SOX5: variants seen among roughly 807,000 people sequenced by gnomAD.
The protein encoded by SOX5 is transcription factor SOX-5.
A neutral mutation model predicts 92.0 loss-of-function variants in SOX5; 9 were observed. The ratio of observed to expected loss-of-function variants is 0.10; its 90% confidence interval spans 0.06 to 0.17. The LOEUF (loss-of-function observed/expected upper bound fraction) is 0.17, where lower values mean the gene tolerates loss of function less well. Ranked by LOEUF, SOX5 falls within the 10% of genes least tolerant of loss-of-function variation. SOX5 has a pLI of 1.00. For synonymous variants in SOX5, 344 were observed against 336.3 expected (o/e 1.02, Z -0.25); for missense variants, 642 against 944.5 (o/e 0.68, Z 4.20).
At chr12:23,754,993 C>T (rs1190130660) in intron 4 of SOX5, among the ~76,000 whole-genome samples, 1 of 151,628 alleles carries the variant, frequency 6.6e-6, no homozygotes, top group Non-Finnish European at 1.5e-5. Flanking sequence ...TCATAGATTG[C>T]CTACTGTGTT....
intron 3 of SOX5, among the ~76,000 whole-genome samples, chr12:23,785,973 G>C (rs984230062): frequency 1.3e-5 from 2 of 151,942 alleles, no homozygotes; most frequent in Admixed American, 6.6e-5. Flanking sequence ...TTACAAACAG[G>C]AAAGTAGAAC....
At chr12:24,200,302 C>A (rs775428253) in intron 4 of SOX5, among the ~76,000 whole-genome samples, 1 of 152,082 alleles carries the variant, frequency 6.6e-6, no homozygotes, top group Non-Finnish European at 1.5e-5. Flanking sequence ...ATAAGGTTAG[C>A]CAGCTCTTAG....
chr12:24,390,836 A>G (rs570293217), intron 1 of SOX5, among the ~76,000 whole-genome samples: 2 of 152,236 alleles, frequency 1.3e-5, no homozygotes, highest in African/African-American at 2.4e-5. Context: ...CCATTAATGG[A>G]CACTTAGGCT....
At chr12:23,546,030 G>A (rs542310479) in intron 12 of SOX5, among the ~76,000 whole-genome samples, 1 of 152,220 alleles carries the variant, frequency 6.6e-6, no homozygotes, top group South Asian at 2.1e-4. Context: ...TCTTGCCTCT[G>A]ACACTTAGAG....
At position 23,750,998 on chromosome 12, in the gene SOX5, T is replaced by C. The variant is rs186598916; in HGVS notation, c.568+4640A>G. ...TTGTCAAACTTATTTTGAAAACTTA[T>C]ATTCTACGCGCCAGCAGTCTTTCTT... On this transcript the variant is annotated intron_variant, in intron 4 of 14. Coordinates refer to ENST00000451604, the MANE Select transcript of SOX5 (RefSeq NM_006940.6). 4.3e-4 allele frequency among the ~76,000 whole-genome samples: 65 copies of C among 152,016 alleles called. No individual in the cohort carries two copies. The Middle Eastern group carries it at 0.01, about 24-fold the overall frequency.
At chr12:24,194,609 G>A (rs1956840896) in intron 4 of SOX5, among the ~76,000 whole-genome samples, 1 of 151,996 alleles carries the variant, frequency 6.6e-6, no homozygotes, top group South Asian at 2.1e-4. Flanking sequence ...AACATTAGAA[G>A]TCATAAAATG....
chr12:23,849,586 A>T (rs1411820138), intron 2 of SOX5, among the ~76,000 whole-genome samples: 1 of 152,160 alleles, frequency 6.6e-6, no homozygotes, highest in East Asian at 1.9e-4. Flanking sequence ...CTATGTCTGT[A>T]TCTACCAATG....
intron 2 of SOX5, among the ~76,000 whole-genome samples, chr12:24,351,532 C>G (rs1954082524): frequency 6.6e-6 from 1 of 152,154 alleles, no homozygotes; most frequent in Admixed American, 6.5e-5. Flanking sequence ...TTGGAGTGGC[C>G]TTTAGGTACC....
At chr12:24,178,491 G>T (rs965642357) in intron 4 of SOX5, among the ~76,000 whole-genome samples, 1 of 152,074 alleles carries the variant, frequency 6.6e-6, no homozygotes, top group African/African-American at 2.4e-5. Context: ...CAGAACTGGG[G>T]AAGCTCTGTG....
At chr12:23,787,528 C>G (rs1350586991) in intron 3 of SOX5, among the ~76,000 whole-genome samples, 1 of 151,916 alleles carries the variant, frequency 6.6e-6, no homozygotes, top group Non-Finnish European at 1.5e-5. Flanking sequence ...TTTGCATACA[C>G]GATGAACACA....
rs557496323 is a variant in SOX5, at chr12:23,923,079, G to T, written c.38+26485C>A. The stretch of plus-strand genomic sequence containing the variant: ...TCCTGCCTCAGCCTCCCGAGTAGCT[G>T]GGACTACAGGCGCCCGCCACAACGC... On this transcript the variant is annotated intron_variant, in intron 1 of 14. Transcript: ENST00000451604. Among the ~76,000 whole-genome samples the T allele has an allele frequency of 5.3e-5, 8 of 152,026 alleles. No homozygotes were observed. In the South Asian group the frequency reaches 1.7e-3, roughly 32 times the overall value.
chr12:24,184,077 T>C (rs1955785244), intron 4 of SOX5, among the ~76,000 whole-genome samples: 1 of 152,194 alleles, frequency 6.6e-6, no homozygotes, highest in Non-Finnish European at 1.5e-5. Context: ...ACCTTAGATT[T>C]GATTCTGGTT....
rs74949026 is a variant in SOX5, at chr12:23,969,584, C to G, written c.-1-73560G>C. Among the ~76,000 whole-genome samples, 155 of 152,324 alleles carry G rather than the reference C, an allele frequency of 1.0e-3. 6 individuals are homozygous for G. The East Asian group carries it at 0.029, about 28-fold the overall frequency. On this transcript the variant is annotated intron_variant, in intron 4 of 4. Transcript: ENST00000446891. ...AGCTATTTTCTCTGTTTGGAATTGT[C>G]TTTATCCAAATTTTTATTTGGCTAA...
chr12:24,071,591 G>A (rs1592884377), intron 4 of SOX5, among the ~76,000 whole-genome samples: 1 of 151,990 alleles, frequency 6.6e-6, no homozygotes, highest in Non-Finnish European at 1.5e-5. Context: ...CCGCCACCAC[G>A]CCCGGCTAAT....
intron 1 of SOX5, among the ~76,000 whole-genome samples, chr12:23,937,234 C>G (rs764558665): frequency 6.6e-5 from 10 of 150,906 alleles, no homozygotes; most frequent in African/African-American, 2.4e-4. Flanking sequence ...TTTGCCTACT[C>G]TAATGCTAAG....
chr12:24,562,020 T>C (rs1459486450), intron 1 of SOX5, among the ~76,000 whole-genome samples: 1 of 152,176 alleles, frequency 6.6e-6, no homozygotes, highest in Non-Finnish European at 1.5e-5. Context: ...TAGAAAGTTA[T>C]CCCGTCTCCG....
intron 4 of SOX5, among the ~76,000 whole-genome samples, chr12:24,037,440 G>A (rs76938697): frequency 0.023 from 3,517 of 152,186 alleles, 140 homozygotes; most frequent in African/African-American, 0.081. Context: ...GTATAGACTT[G>A]CTGTGAACCA....
At chr12:23,877,940 C>G (rs2096946283) in intron 2 of SOX5, among the ~76,000 whole-genome samples, 2 of 151,708 alleles carry the variant, frequency 1.3e-5, no homozygotes, top group South Asian at 4.1e-4. Flanking sequence ...AATTTATTTT[C>G]TTATGCTTTT....
chr12:23,652,107 T>A (rs958493130), intron 7 of SOX5, among the ~76,000 whole-genome samples: 3 of 152,080 alleles, frequency 2.0e-5, no homozygotes, highest in Admixed American at 6.6e-5. Context: ...CTCCTACTCT[T>A]TAGTTCTCAA....
Sources: gnomAD v4.1 joint callset for allele counts (sites outside exome capture counted in the v4.1 genomes callset) on GRCh38, gnomAD v4.1.1 for gene constraint, MANE v1.5 for transcripts, NCBI Gene and HGNC (gene_info 2026-07-23, HGNC 2026-07-21) for gene names.